Variants in ZNF540 observed in about 807,000 individuals in gnomAD.
ZNF540 encodes zinc finger protein 540.
Under a neutral mutation model 11.8 loss-of-function variants are expected in ZNF540, and 3 were observed. The ratio of observed to expected loss-of-function variants is 0.25; its 90% CI spans 0.12 to 0.65. ZNF540 has a LOEUF of 0.65. Ranked by LOEUF, ZNF540 falls within the 30% of genes least tolerant of loss-of-function variation. The pLI is 0.83. For missense variants in ZNF540, 709 were observed against 793.1 expected (o/e 0.89, Z 1.27); for synonymous variants, 247 against 259.0 (o/e 0.95, Z 0.45).
intron 1 of ZNF540, among the ~76,000 whole-genome samples, chr19:37,553,600 A>G (rs1274258879): frequency 6.6e-6 from 1 of 151,890 alleles, no homozygotes; most frequent in Non-Finnish European, 1.5e-5. Flanking sequence ...ATTATATTCT[A>G]TTTTACTTCT....
At chr19:37,580,083 AT>A (rs2043397174) in intron 1 of ZNF540, among the ~76,000 whole-genome samples, 1 of 152,228 alleles carries the variant, frequency 6.6e-6, no homozygotes, top group Non-Finnish European at 1.5e-5. Flanking sequence ...ACCTGAATGT[AT>A]TTTACACTAG....
chr19:37,561,066 AAAAAAAAAG>A, intron 1 of ZNF540, among the ~76,000 whole-genome samples: 1 of 150,084 alleles, frequency 6.7e-6, no homozygotes. Context: ...AAAAAAAAAA[AAAAAAAAAG>A]AAAGAAAAAA....
intron 1 of ZNF540, chr19:37,584,153 TGAGAAGAAAATGGAGGAGG>T: frequency 6.2e-7 from 1 of 1,608,916 alleles, no homozygotes; most frequent in Non-Finnish European, 8.5e-7. Flanking sequence ...TGAAGTGAAA[TGAGAAGAAAATGGAGGAGG>T]TAATTGAAGG....
At chr19:37,555,042 A>G (rs941465802) in intron 1 of ZNF540, 2 of 152,234 alleles carry the variant, frequency 1.3e-5, no homozygotes, top group African/African-American at 4.8e-5. Context: ...GGCGTTATCA[A>G]TCAGATGAAT....
At position 37,558,830 on chromosome 19, in the gene ZNF540, GGAGAGAGAGACA is replaced by G. The variant is rs2042688173; in HGVS notation, c.-73+7176_-73+7187del. 2.0e-5 allele frequency among the ~76,000 whole-genome samples: 3 copies of G among 149,370 alleles called. No homozygotes were observed. The Admixed American group carries it at 2.0e-4, about 10-fold the overall frequency. On this transcript the variant is annotated intron_variant, in intron 1 of 4. Coordinates refer to the ZNF540 transcript ENST00000592533. ...ACAACTTCACTATATATATATATAT[GGAGAGAGAGACA>G]GAGAGAGAGAGAGAGACAGAGAGAG...
At chr19:37,583,955 C>T (rs1012173506) in intron 1 of ZNF540, 4 of 1,584,886 alleles carry the variant, frequency 2.5e-6, no homozygotes, top group African/African-American at 2.7e-5. Context: ...CTGAATATTA[C>T]GTAGGATGAT....
At chr19:37,609,016 A>G (rs1405067323) in intron 4 of ZNF540, among the ~76,000 whole-genome samples, 2 of 152,148 alleles carry the variant, frequency 1.3e-5, no homozygotes, top group African/African-American at 4.8e-5. Context: ...ATCTGTGTTA[A>G]TAAGATTCCT....
intron 4 of ZNF540, among the ~76,000 whole-genome samples, chr19:37,606,676 T>C (rs184318125): frequency 5.1e-4 from 77 of 152,310 alleles, no homozygotes; most frequent in Admixed American, 3.6e-3. Flanking sequence ...TTATTAGCTA[T>C]TGGTACATCT....
At chr19:37,583,135 A>G (rs557924286) in intron 1 of ZNF540, among the ~76,000 whole-genome samples, 19 of 152,272 alleles carry the variant, frequency 1.2e-4, no homozygotes, top group African/African-American at 3.4e-4. Flanking sequence ...CCTCTGCCTG[A>G]ACACACCTTT....
chr19:37,613,027 G>C lies in ZNF540; in HGVS notation c.1747G>C (p.Glu583Gln), dbSNP rs1255231989. 2 of 1,614,148 alleles carry C rather than the reference G, an allele frequency of 1.2e-6. No individual in the cohort carries two copies. Among genetic ancestry groups the C allele is most frequent in the Non-Finnish European group, 1.7e-6 (2 of 1,180,012 alleles). ...HTGVKPYKCK[E>Q]CGKAFSRSVD... ...GGGTGTAAAACCATACAAATGTAAA[G>C]AATGTGGGAAGGCCTTTAGTCGTAG... The change falls in exon 5 of 5, where the codon GAA (glutamate) becomes CAA (glutamine). Residue 583 changes from glutamate (E) to glutamine (Q), a missense_variant. Physicochemically the swap from Glu to Gln is conservative, Grantham distance 29 (BLOSUM62 2). Coordinates refer to ENST00000316433, the MANE Select transcript of ZNF540 (RefSeq NM_001172225.3).
chr19:37,592,645 G>A (rs541617496), upstream of ZNF540, among the ~76,000 whole-genome samples: 1 of 152,322 alleles, frequency 6.6e-6, no homozygotes, highest in East Asian at 1.9e-4. Flanking sequence ...ACATCAGACT[G>A]TAAGGGCCTC....
At chr19:37,590,732 T>C (rs147716055), upstream of ZNF540, among the ~76,000 whole-genome samples, 5 of 152,256 alleles carry the variant, frequency 3.3e-5, no homozygotes, top group African/African-American at 1.2e-4. Context: ...TTTTGCAACT[T>C]CTCTGTAAGT....
Position 37,569,051 on chromosome 19 carries a change from G to A in ZNF540, c.-73+17386G>A, listed in dbSNP as rs535825426. On this transcript the variant is annotated intron_variant, in intron 1 of 4. Transcript: ENST00000592533. This position sits in a 1 kb window ranked among gnomAD's most constrained non-coding sequence, Gnocchi z 4.4. ...AGCTCACTGCAACCTCCGCCTCCAG[G>A]TTCAAGCAATTCTGCCTCAGCCTCC... 1.2e-4 allele frequency among the ~76,000 whole-genome samples: 19 copies of A among 152,108 alleles called. No individual in the cohort carries two copies. Among genetic ancestry groups the A allele is most frequent in the Non-Finnish European group, 1.5e-4 (10 of 67,974 alleles).
Position 37,601,104 on chromosome 19 carries a change from C to T in ZNF540, c.231C>T (p.Pro77=), listed in dbSNP as rs140262859. The part of the protein sequence containing the change: ...VARDVTGRQC[P]GLLSRHKTKK... ...GGGATGTGACAGGAAGACAGTGCCC[C>T]GGTGAGTTGAGAGTTCATCAGGCAG... Residue 77 remains proline, a splice_region_variant and synonymous_variant, in exon 4 of 5, where the codon CCC becomes CCT. Transcript: ENST00000316433. 35 of 1,571,492 alleles carry T rather than the reference C, an allele frequency of 2.2e-5. No homozygotes were observed. The highest frequency in any genetic ancestry group is 2.2e-4 in the African/African-American group (16 of 73,898).
intron 1 of ZNF540, among the ~76,000 whole-genome samples, chr19:37,578,633 C>G (rs1264803786): frequency 6.6e-6 from 1 of 152,158 alleles, no homozygotes; most frequent in Non-Finnish European, 1.5e-5. Flanking sequence ...AGGAAAGGCT[C>G]GGCTTCACCC....
intron 1 of ZNF540, among the ~76,000 whole-genome samples, chr19:37,588,769 T>C (rs1369419153): frequency 6.6e-6 from 1 of 152,188 alleles, no homozygotes; most frequent in African/African-American, 2.4e-5. Flanking sequence ...AAAAGATTAA[T>C]GTAACTGAAT....
At chr19:37,568,483 C>G (rs1359527390) in intron 1 of ZNF540, among the ~76,000 whole-genome samples, 1 of 151,756 alleles carries the variant, frequency 6.6e-6, no homozygotes, top group Non-Finnish European at 1.5e-5. Flanking sequence ...ATTAAGGGAA[C>G]ACTATAAGGA....
chr19:37,572,034 A>AG (rs2043077285), intron 1 of ZNF540, among the ~76,000 whole-genome samples: 2 of 152,228 alleles, frequency 1.3e-5, no homozygotes, highest in Non-Finnish European at 2.9e-5. Flanking sequence ...CATTAGTCCT[A>AG]TCTATCAATC....
At chr19:37,595,584 G>A (rs893369674) in intron 1 of ZNF540, 2 of 152,226 alleles carry the variant, frequency 1.3e-5, no homozygotes, top group Non-Finnish European at 1.5e-5. Flanking sequence ...TGGTGAGAAT[G>A]AGCACGATTG....
Sources: gnomAD v4.1 joint callset for allele counts (sites outside exome capture counted in the v4.1 genomes callset) on GRCh38, gnomAD v4.1.1 for gene constraint, Gnocchi (gnomAD v3.1) non-coding constraint, MANE v1.5 for transcripts, NCBI Gene and HGNC (gene_info 2026-07-23, HGNC 2026-07-21) for gene names.